CHD6: variants seen among roughly 807,000 people sequenced by gnomAD.
CHD6 encodes the protein chromodomain helicase DNA binding protein 6.
A neutral mutation model predicts 276.9 loss-of-function variants in CHD6; 50 were observed. That is an observed-to-expected ratio of 0.18 (90% CI 0.14 to 0.23). The LOEUF is 0.23. Ranked by LOEUF, CHD6 falls within the 10% of genes least tolerant of loss-of-function variation. The pLI, the probability that CHD6 is intolerant of heterozygous loss-of-function variation, is 1.00. For synonymous variants in CHD6, 1,173 were observed against 1,229.3 expected, an observed-to-expected ratio of 0.95 and a Z score of 0.96; for missense variants, 2,564 against 3,365.8, an observed-to-expected ratio of 0.76 and a Z score of 5.89.
chr20:41,534,337 C>A (rs535505338), intron 2 of CHD6, among the ~76,000 whole-genome samples: 2 of 152,332 alleles, frequency 1.3e-5, no homozygotes, highest in African/African-American at 4.8e-5. Flanking sequence ...GCTCTCTTAA[C>A]AAGAGGCCTG....
rs2047161741 is a variant in CHD6, at chr20:41,420,772, A to T, written c.5863T>A (p.Phe1955Ile). Residue 1955 changes from phenylalanine to isoleucine, a missense_variant, in exon 31 of 37, where the codon TTT becomes ATT. Physicochemically the swap from Phe to Ile is conservative, Grantham distance 21. This residue lies in a region of CHD6 where 1,024 missense variants were observed against 1,047.9 expected (regional missense o/e 0.98). Transcript: ENST00000373233. ...TAAGCCTTGGGTTTCTCGATTTCAA[A>T]TTCATCATTCTCGAGGCCATGCATC... ...RWMHGLENDE[F>I]EIEKPKAYIP... is the part of the protein sequence containing the mutation. The T allele has an allele frequency of 5.6e-6, 9 of 1,614,060 alleles. No homozygotes were observed. The Admixed American group carries it at 1.0e-4, about 18-fold the overall frequency.
chr20:41,490,186 T>C (rs547054959), intron 11 of CHD6, among the ~76,000 whole-genome samples, 165 bp from the exon 12 acceptor site: 1 of 152,330 alleles, frequency 6.6e-6, no homozygotes, highest in South Asian at 2.1e-4. Flanking sequence ...TATTCCTACT[T>C]TGCCTACTTC....
Position 41,425,267 on chromosome 20 carries a change from C to G in CHD6, c.4257G>C (p.Leu1419=). Residue 1419 remains leucine, a synonymous_variant, in exon 29 of 37, where the codon CTG becomes CTC. Coordinates refer to ENST00000373233, the MANE Select transcript of CHD6 (RefSeq NM_032221.5). ...CCCAATATCCTTGGTTACCTGGTCC[C>G]AGAATTTCAGGCCGGCACAGTTCCT... ...NRKELCRPEI[L]GPGNQGYWVQ... is the part of the protein sequence containing the mutation. The G allele has an allele frequency of 6.2e-7, 1 of 1,614,172 alleles. No individual in the cohort carries two copies. The highest frequency in any genetic ancestry group is 8.5e-7 in the Non-Finnish European group (1 of 1,180,046).
intron 2 of CHD6, among the ~76,000 whole-genome samples, chr20:41,534,879 T>TACA (rs2044791204): frequency 6.6e-6 from 1 of 152,156 alleles, no homozygotes; most frequent in African/African-American, 2.4e-5. Flanking sequence ...TTTAATGGGA[T>TACA]ACAAGGCAAG....
intron 1 of CHD6, among the ~76,000 whole-genome samples, chr20:41,577,675 A>C (rs2045489402): frequency 6.6e-6 from 1 of 152,256 alleles, no homozygotes. Flanking sequence ...AAACAAATAT[A>C]TGTGTAGATT....
At chr20:41,498,834 TGTGTG>T (rs2043758947) in intron 6 of CHD6, among the ~76,000 whole-genome samples, 1 of 148,984 alleles carries the variant, frequency 6.7e-6, no homozygotes, top group Admixed American at 6.7e-5. Flanking sequence ...TGTGTGTGTG[TGTGTG>T]TGTGTGTGTA....
chr20:41,616,394 C>T (rs946449100), intron 1 of CHD6, among the ~76,000 whole-genome samples: 2 of 152,122 alleles, frequency 1.3e-5, no homozygotes, highest in African/African-American at 4.8e-5. Flanking sequence ...GACTGTGATA[C>T]CACACTGAAG....
At chr20:41,437,021 A>C (rs1204760740) in intron 27 of CHD6, among the ~76,000 whole-genome samples, 2 of 152,204 alleles carry the variant, frequency 1.3e-5, no homozygotes, top group African/African-American at 4.8e-5. Flanking sequence ...AACTGGATAA[A>C]AGGTATATGC....
At chr20:41,499,205 TG>T in intron 6 of CHD6, 89 bp downstream of exon 6, 1 of 950,944 alleles carries the variant, frequency 1.1e-6, no homozygotes, top group Non-Finnish European at 1.6e-6. Flanking sequence ...CAGCCAATAA[TG>T]GTCATTCTAG....
intron 16 of CHD6, among the ~76,000 whole-genome samples, chr20:41,479,523 G>C (rs997430009): frequency 3.3e-5 from 5 of 151,974 alleles, no homozygotes; most frequent in Non-Finnish European, 7.4e-5. Context: ...GTAAAGAGCT[G>C]GAGGGGGAAG....
chr20:41,517,942 T>C (rs150778723), intron 3 of CHD6, among the ~76,000 whole-genome samples: 1 of 152,332 alleles, frequency 6.6e-6, no homozygotes, highest in African/African-American at 2.4e-5. Context: ...AAACTTCAAA[T>C]ATCCTTTAAT....
rs2047192733 is a variant in CHD6 at position 41,421,541 on chromosome 20, C to T, written c.5094G>A (p.Leu1698=). 6.2e-7 allele frequency: 1 copy of T among 1,612,134 alleles called. No individual in the cohort carries two copies. Among genetic ancestry groups the T allele is most frequent in the Admixed American group, 1.7e-5 (1 of 59,792 alleles). ...DVISINHDES[L]LPESLESMMY... ...TCATGCTCTCTAAGGACTCAGGCAGCAGACTTTCATCATGGTTGATGGAAA... is the reference window on the plus strand; with the variant it reads ...TCATGCTCTCTAAGGACTCAGGCAGTAGACTTTCATCATGGTTGATGGAAA... Residue 1698 remains leucine, a synonymous_variant, in exon 31 of 37, where the codon CTG becomes CTA. Coordinates refer to ENST00000373233, the MANE Select transcript of CHD6 (RefSeq NM_032221.5).
intron 3 of CHD6, among the ~76,000 whole-genome samples, chr20:41,521,091 C>A (rs2044381936): frequency 6.6e-6 from 1 of 152,140 alleles, no homozygotes. Context: ...TACCTCTGTA[C>A]ACAGATCTGC....
intron 1 of CHD6, among the ~76,000 whole-genome samples, chr20:41,607,998 A>G (rs1273330931): frequency 6.6e-6 from 1 of 152,190 alleles, no homozygotes; most frequent in Non-Finnish European, 1.5e-5. Context: ...AAGGAAGAGA[A>G]CCAGAATACT....
At chr20:41,534,909 T>C (rs2044792205) in intron 2 of CHD6, among the ~76,000 whole-genome samples, 1 of 152,098 alleles carries the variant, frequency 6.6e-6, no homozygotes, top group South Asian at 2.1e-4. Flanking sequence ...AGCAGTGAGG[T>C]GACAGGTATC....
intron 25 of CHD6, among the ~76,000 whole-genome samples, chr20:41,445,364 A>T (rs991474926): frequency 4.6e-5 from 7 of 152,182 alleles, no homozygotes; most frequent in African/African-American, 1.2e-4. Flanking sequence ...ATGCACTGGG[A>T]CTATTAGAGG....
At chr20:41,472,409 ACTT>A (rs1394559973) in intron 17 of CHD6, among the ~76,000 whole-genome samples, 3 of 151,944 alleles carry the variant, frequency 2.0e-5, no homozygotes, top group Non-Finnish European at 4.4e-5. Flanking sequence ...CAGCCTCCAA[ACTT>A]CTTTTGATCA....
chr20:41,581,336 G>A (rs2045536888), intron 1 of CHD6, among the ~76,000 whole-genome samples: 1 of 152,134 alleles, frequency 6.6e-6, no homozygotes, highest in South Asian at 2.1e-4. Flanking sequence ...TGGTTGCTGA[G>A]TCCACATTCT....
chr20:41,510,801 C>T (rs1336763077), intron 5 of CHD6, among the ~76,000 whole-genome samples: 1 of 152,198 alleles, frequency 6.6e-6, no homozygotes, highest in African/African-American at 2.4e-5. Context: ...CCAACCATAA[C>T]ATCCCCAAGG....
Sources: gnomAD v4.1 joint callset for allele counts (sites outside exome capture counted in the v4.1 genomes callset) on GRCh38, gnomAD v4.1.1 for gene constraint, gnomAD v4.1.1 regional missense constraint, MANE v1.5 for transcripts, NCBI Gene and HGNC (gene_info 2026-07-23, HGNC 2026-07-21) for gene names.